The following EIF4EBP2 variants were observed in gnomAD, a reference collection of about 807,000 sequenced individuals.
EIF4EBP2 encodes the protein eukaryotic translation initiation factor 4E binding protein 2.
Under a neutral mutation model 10.3 loss-of-function variants are expected in EIF4EBP2, and 5 were observed. The ratio of observed to expected loss-of-function variants is 0.48; its 90% CI spans 0.25 to 1.02. EIF4EBP2 has a LOEUF of 1.02. Ranked by LOEUF, EIF4EBP2 falls within the 50% of genes least tolerant of loss-of-function variation. The pLI is 0.15. For missense variants in EIF4EBP2, 188 were observed against 162.2 expected, an observed-to-expected ratio of 1.16 and a Z score of -0.86; for synonymous variants, 67 against 61.1, an observed-to-expected ratio of 1.10 and a Z score of -0.45.
chr10:70,426,658 T>G lies in EIF4EBP2; in HGVS notation c.*4911T>G, dbSNP rs1845208929. The stretch of plus-strand genomic sequence containing the variant: ...CTGTAGCCCTGCTTGCTTGAGAGTA[T>G]ACTTGGATAAGAAGTATTGCTGTTG... On this transcript the variant is annotated 3_prime_UTR_variant, in exon 3 of 3. Coordinates refer to ENST00000373218, the MANE Select transcript of EIF4EBP2 (RefSeq NM_004096.5). The G allele has an allele frequency of 6.6e-6, 1 of 152,256 alleles. No homozygotes were observed. Among genetic ancestry groups the G allele is most frequent in the Non-Finnish European group, 1.5e-5 (1 of 68,044 alleles). The allele number at this position is 152,256 out of a possible 1,614,324, so 9.4% of individuals were successfully genotyped here.
intron 2 of EIF4EBP2, among the ~76,000 whole-genome samples, chr10:70,421,256 G>A (rs1845154906): frequency 6.6e-6 from 1 of 152,148 alleles, no homozygotes; most frequent in South Asian, 2.1e-4. Context: ...GGTGCGGTAG[G>A]AGTGGCCAGC....
At position 70,426,752 on chromosome 10, in the gene EIF4EBP2, A is replaced by AT. The variant is rs1845209537; in HGVS notation, c.*5009dup. ...TCATCTTTAGAGTACCTTTAAATGA[A>AT]TTTTGTTTTTCTTTCTTATTTTGAG... On this transcript the variant is annotated 3_prime_UTR_variant, in exon 3 of 3. Transcript: ENST00000373218. 1 of 152,114 alleles carries AT rather than the reference A, an allele frequency of 6.6e-6. No individual in the cohort carries two copies. Among genetic ancestry groups the AT allele is most frequent in the South Asian group, 2.1e-4 (1 of 4,830 alleles). 9.4% of individuals were successfully genotyped at this position (152,114 alleles called of 1,614,324 possible). A position where few individuals can be genotyped will look rare whatever the true frequency, so the allele number is the denominator to read the frequency against.
rs534427842 is a variant in EIF4EBP2, at chr10:70,427,232, T to C, written c.*5485T>C. 2 of 152,100 alleles carry C rather than the reference T, an allele frequency of 1.3e-5. No homozygotes were observed. The highest frequency in any genetic ancestry group is 2.9e-5 in the Non-Finnish European group (2 of 68,016). The allele number at this position is 152,100 out of a possible 1,614,324, so 9.4% of individuals were successfully genotyped here. On this transcript the variant is annotated 3_prime_UTR_variant, in exon 3 of 3. Transcript: ENST00000373218. ...ACCCATAATATCTGGGAAGGTGTGG[T>C]ATTTGTTTTAAAGAAACATTGTTTC...
At position 70,423,420 on chromosome 10, in the gene EIF4EBP2, T is replaced by A. The variant is rs564147091; in HGVS notation, c.*1673T>A. The A allele has an allele frequency of 6.5e-6, 1 of 152,802 alleles. No individual in the cohort carries two copies. Among genetic ancestry groups the A allele is most frequent in the South Asian group, 2.1e-4 (1 of 4,828 alleles). The allele number at this position is 152,802 out of a possible 1,614,324, so 9.5% of individuals were successfully genotyped here. ...CCTTTCGCTTTTGCATTCACCCTCC[T>A]TCCCACCTACCTGTCCTGGGGCTGT... On this transcript the variant is annotated 3_prime_UTR_variant, in exon 3 of 3. Transcript: ENST00000373218.
chr10:70,419,022 G>A (rs981040049), intron 1 of EIF4EBP2, among the ~76,000 whole-genome samples: 2 of 152,122 alleles, frequency 1.3e-5, no homozygotes, highest in African/African-American at 4.8e-5. Context: ...TCACTATGTG[G>A]CCCAGACTAG....
chr10:70,421,056 A>G (rs1286606585), intron 2 of EIF4EBP2, among the ~76,000 whole-genome samples: 1 of 152,008 alleles, frequency 6.6e-6, no homozygotes, highest in Admixed American at 6.6e-5. Context: ...CAGCCTCCCA[A>G]AGTGCTGAGA....
At chr10:70,409,253 A>G (rs1396959664) in intron 1 of EIF4EBP2, among the ~76,000 whole-genome samples, 1 of 152,150 alleles carries the variant, frequency 6.6e-6, no homozygotes, top group East Asian at 1.9e-4. Flanking sequence ...ATGAAGGAAG[A>G]GGAAACTTTT....
At chr10:70,413,609 CAAAAAAAAAA>C (rs57681671) in intron 1 of EIF4EBP2, among the ~76,000 whole-genome samples, 3 of 97,370 alleles carry the variant, frequency 3.1e-5, no homozygotes, top group Admixed American at 1.2e-4. Flanking sequence ...CCCTGACTCT[CAAAAAAAAAA>C]AAAAAAAAAA....
rs530487638 is a variant in EIF4EBP2 at position 70,420,423 on chromosome 10, A to G, written c.331+324A>G. ...GCCATGTTGCTTAGGCTGTTCTTGA[A>G]CTCCTGACCTCAGGTGATCCACCTG... is the stretch of plus-strand genomic sequence containing the variant. On this transcript the variant is annotated intron_variant, in intron 2 of 2. Transcript: ENST00000373218. 1.7e-4 allele frequency among the ~76,000 whole-genome samples: 26 copies of G among 149,466 alleles called. No homozygotes were observed. The East Asian group carries it at 4.3e-3, about 25-fold the overall frequency.
rs770905840 is a variant in EIF4EBP2, at chr10:70,427,481, CT to C, written c.*5737del. The C allele has an allele frequency of 6.6e-6, 1 of 152,086 alleles. No individual in the cohort carries two copies. The highest frequency in any genetic ancestry group is 6.5e-5 in the Admixed American group (1 of 15,274). 9.4% of individuals were successfully genotyped at this position (152,086 alleles called of 1,614,324 possible). On this transcript the variant is annotated 3_prime_UTR_variant, in exon 3 of 3. Coordinates refer to ENST00000373218, the MANE Select transcript of EIF4EBP2 (RefSeq NM_004096.5). ...ACTTACAGAAATTTCTAACTGAAAA[CT>C]TTAAGAGTTATTGATACTTGTTTTT...
chr10:70,419,467 C>T (rs1281625461), intron 1 of EIF4EBP2, among the ~76,000 whole-genome samples: 1 of 152,020 alleles, frequency 6.6e-6, no homozygotes, highest in Admixed American at 6.6e-5. Context: ...CTTGTTTATT[C>T]TTTCATTTAA....
chr10:70,406,147 A>C (rs1333927718), intron 1 of EIF4EBP2, among the ~76,000 whole-genome samples: 1 of 151,998 alleles, frequency 6.6e-6, no homozygotes, highest in African/African-American at 2.4e-5. Flanking sequence ...CGCCTGGCTA[A>C]TTTTTTTGTA....
intron 1 of EIF4EBP2, among the ~76,000 whole-genome samples, chr10:70,419,616 A>T (rs758955020): frequency 1.2e-4 from 18 of 148,924 alleles, no homozygotes; most frequent in Non-Finnish European, 2.5e-4. Flanking sequence ...GATGTGTGTA[A>T]GATGGAGAGG....
In EIF4EBP2 at chr10:70,427,484, T is replaced by A. The variant is rs571495426; in HGVS notation, c.*5737T>A. The stretch of plus-strand genomic sequence containing the variant: ...TACAGAAATTTCTAACTGAAAACTT[T>A]AAGAGTTATTGATACTTGTTTTTTC... On this transcript the variant is annotated 3_prime_UTR_variant, in exon 3 of 3. Coordinates refer to ENST00000373218, the MANE Select transcript of EIF4EBP2 (RefSeq NM_004096.5). The A allele has an allele frequency of 1.2e-3, 177 of 152,344 alleles. No individual in the cohort carries two copies. The highest frequency in any genetic ancestry group is 4.0e-3 in the African/African-American group (168 of 41,582). 9.4% of individuals were successfully genotyped at this position (152,344 alleles called of 1,614,324 possible).
chr10:70,409,852 G>A (rs1845024131), intron 1 of EIF4EBP2, among the ~76,000 whole-genome samples: 1 of 152,192 alleles, frequency 6.6e-6, no homozygotes, highest in African/African-American at 2.4e-5. Flanking sequence ...GGGCAGCAGA[G>A]GGGAACTAAC....
At chr10:70,406,702 G>C (rs1379930793) in intron 1 of EIF4EBP2, among the ~76,000 whole-genome samples, 1 of 150,864 alleles carries the variant, frequency 6.6e-6, no homozygotes, top group Non-Finnish European at 1.5e-5. Flanking sequence ...GAGTCTGCCA[G>C]AAATACTAAT....
At chr10:70,406,272 C>A (rs1016413044) in intron 1 of EIF4EBP2, among the ~76,000 whole-genome samples, 3 of 152,208 alleles carry the variant, frequency 2.0e-5, no homozygotes, top group Admixed American at 6.5e-5. Flanking sequence ...TGCACCCGGC[C>A]AAGATCTTGC....
chr10:70,428,186 C>T lies in EIF4EBP2; in HGVS notation c.*6439C>T, dbSNP rs1845223270. On this transcript the variant is annotated 3_prime_UTR_variant, in exon 3 of 3. Coordinates refer to ENST00000373218, the MANE Select transcript of EIF4EBP2 (RefSeq NM_004096.5). ...ACCTGGGTGAGGAGACCCTCTGCTA[C>T]TCCAGGGGTAAACCTTAAAGAAGGT... The T allele has an allele frequency of 6.6e-6, 1 of 152,022 alleles. No homozygotes were observed. The highest frequency in any genetic ancestry group is 1.5e-5 in the Non-Finnish European group (1 of 68,036). The allele number at this position is 152,022 out of a possible 1,614,324, so 9.4% of individuals were successfully genotyped here.
chr10:70,405,640 C>G (rs1425813319), intron 1 of EIF4EBP2, among the ~76,000 whole-genome samples: 1 of 152,200 alleles, frequency 6.6e-6, no homozygotes, highest in East Asian at 1.9e-4. Flanking sequence ...TAGCCTTGTT[C>G]CTGTGGGCAG....
Sources: allele counts gnomAD v4.1 joint callset (sites outside exome capture counted in the v4.1 genomes callset), GRCh38; gene constraint gnomAD v4.1.1; transcripts MANE v1.5; gene names NCBI Gene and HGNC (gene_info 2026-07-23, HGNC 2026-07-21).